Variants in RYK observed in about 807,000 individuals in gnomAD.
RYK encodes inactive tyrosine-protein kinase RYK.
Under a neutral mutation model 70.2 loss-of-function variants are expected in RYK, and 21 were observed. The ratio of observed to expected loss-of-function variants is 0.30; its 90% CI spans 0.21 to 0.43. The LOEUF is 0.43. RYK is among the 20% of genes least tolerant of loss of function. The pLI is 1.00. For missense variants in RYK, 604 were observed against 753.3 expected, an observed-to-expected ratio of 0.80 and a Z score of 2.32; for synonymous variants, 267 against 278.0, an observed-to-expected ratio of 0.96 and a Z score of 0.39.
chr3:134,246,884 C>T (rs2015481160), intron 1 of RYK, among the ~76,000 whole-genome samples: 1 of 151,898 alleles, frequency 6.6e-6, no homozygotes, highest in Admixed American at 6.5e-5. Flanking sequence ...AAAAAATAAT[C>T]GTACTATCTA....
chr3:134,189,842 T>C (rs1283757880), intron 8 of RYK, among the ~76,000 whole-genome samples: 1 of 151,550 alleles, frequency 6.6e-6, no homozygotes, highest in Non-Finnish European at 1.5e-5. Context: ...AGAAAATCCA[T>C]CTAGATTTTA....
chr3:134,237,390 C>T (rs1346353122), intron 1 of RYK, among the ~76,000 whole-genome samples: 2 of 152,152 alleles, frequency 1.3e-5, no homozygotes, highest in African/African-American at 4.8e-5. Flanking sequence ...GCACATCTCA[C>T]AAACAAGGCT....
intron 13 of RYK, among the ~76,000 whole-genome samples, chr3:134,169,761 G>A (rs989643062): frequency 2.6e-5 from 4 of 152,062 alleles, no homozygotes; most frequent in East Asian, 1.9e-4. Context: ...TTAAAGGACC[G>A]AGAAAATGTT....
intron 2 of RYK, among the ~76,000 whole-genome samples, chr3:134,216,806 A>AAAAAAAAC (rs2014567909): frequency 6.7e-6 from 1 of 149,498 alleles, no homozygotes; most frequent in Non-Finnish European, 1.5e-5. Context: ...AAAAAAAAAA[A>AAAAAAAAC]AAAAAAAAAA....
At chr3:134,225,960 G>A (rs992856352) in intron 1 of RYK, among the ~76,000 whole-genome samples, 4 of 151,208 alleles carry the variant, frequency 2.6e-5, no homozygotes, top group African/African-American at 9.7e-5. Flanking sequence ...AAGTGAGGGG[G>A]GATTAATCAT....
At chr3:134,217,628 G>A (rs1193917452) in intron 2 of RYK, among the ~76,000 whole-genome samples, 2 of 152,152 alleles carry the variant, frequency 1.3e-5, no homozygotes, top group African/African-American at 4.8e-5. Context: ...AAAGTAGGTG[G>A]TATGTTAGCT....
intron 1 of RYK, among the ~76,000 whole-genome samples, chr3:134,223,290 A>G (rs2014795145): frequency 6.6e-6 from 1 of 152,216 alleles, no homozygotes; most frequent in Non-Finnish European, 1.5e-5. Flanking sequence ...CTTCTCAGCC[A>G]GGGCACATAC....
At chr3:134,159,168 G>A in intron 14 of RYK, 69 bp downstream of exon 14, 2 of 1,503,244 alleles carry the variant, frequency 1.3e-6, no homozygotes, top group South Asian at 2.3e-5. Context: ...ATGGAAACCT[G>A]CTCTTTTTCC....
intron 1 of RYK, among the ~76,000 whole-genome samples, chr3:134,236,365 A>G (rs79240858): frequency 0.11 from 17,021 of 152,224 alleles, 1,010 homozygotes; most frequent in Middle Eastern, 0.16. Context: ...ATAGCATCCA[A>G]AAGAATAAAA....
chr3:134,248,094 T>C (rs185041990), intron 1 of RYK, among the ~76,000 whole-genome samples: 14 of 152,262 alleles, frequency 9.2e-5, no homozygotes, highest in African/African-American at 3.1e-4. Flanking sequence ...AGGAATTATT[T>C]TAAAGGTAGA....
chr3:134,220,416 A>G (rs999897262), intron 2 of RYK, among the ~76,000 whole-genome samples: 8 of 152,074 alleles, frequency 5.3e-5, no homozygotes, highest in Non-Finnish European at 4.4e-5. Context: ...TCACTGACGT[A>G]TGGGGAGGGG....
At chr3:134,198,263 G>A (rs1478446510) in intron 6 of RYK, among the ~76,000 whole-genome samples, 4 of 152,206 alleles carry the variant, frequency 2.6e-5, no homozygotes, top group African/African-American at 7.2e-5. Flanking sequence ...GTCTTAGAAT[G>A]AAGTCAGAAC....
At chr3:134,240,656 T>C (rs938616077) in intron 1 of RYK, among the ~76,000 whole-genome samples, 4 of 152,198 alleles carry the variant, frequency 2.6e-5, no homozygotes, top group African/African-American at 7.2e-5. Flanking sequence ...ATATGACATA[T>C]ACCAGTTTTT....
intron 13 of RYK, among the ~76,000 whole-genome samples, chr3:134,172,591 G>A (rs971657121): frequency 2.6e-5 from 4 of 151,978 alleles, no homozygotes; most frequent in African/African-American, 7.3e-5. Context: ...CTTTCCCTTC[G>A]TATGTCATTT....
At chr3:134,233,223 C>T (rs1302390857) in intron 1 of RYK, among the ~76,000 whole-genome samples, 1 of 152,230 alleles carries the variant, frequency 6.6e-6, no homozygotes, top group East Asian at 1.9e-4. Flanking sequence ...TTTGTTGGTG[C>T]TCTGCTTTAA....
chr3:134,242,503 A>C (rs1576539120), intron 1 of RYK, among the ~76,000 whole-genome samples: 1 of 152,294 alleles, frequency 6.6e-6, no homozygotes, highest in Non-Finnish European at 1.5e-5. Context: ...ATTGCACTTG[A>C]TTTACATCAA....
intron 9 of RYK, among the ~76,000 whole-genome samples, chr3:134,186,405 G>GT (rs2013462499): frequency 1.3e-5 from 2 of 152,210 alleles, no homozygotes; most frequent in Admixed American, 1.3e-4. Flanking sequence ...TGTGCAACAT[G>GT]TAACAAAGCA....
chr3:134,221,143 C>CTTA (rs1260255913), intron 2 of RYK, among the ~76,000 whole-genome samples: 1 of 148,890 alleles, frequency 6.7e-6, no homozygotes, highest in Non-Finnish European at 1.5e-5. Context: ...TTATACCAAA[C>CTTA]TATAAACAAT....
intron 9 of RYK, among the ~76,000 whole-genome samples, chr3:134,186,152 C>G (rs1020075122): frequency 2.0e-5 from 3 of 152,090 alleles, no homozygotes; most frequent in Non-Finnish European, 2.9e-5. Context: ...AAAATAAGAA[C>G]TTAATACCAG....
Sources: allele counts gnomAD v4.1 joint callset (sites outside exome capture counted in the v4.1 genomes callset), GRCh38; gene constraint gnomAD v4.1.1; transcripts MANE v1.5; gene names NCBI Gene and HGNC (gene_info 2026-07-23, HGNC 2026-07-21).